Variants in RELN observed in about 807,000 individuals in gnomAD.
The protein encoded by RELN is reelin.
RELN carries 108 observed loss-of-function variants against 427.6 expected under a neutral mutation model. The observed-to-expected ratio is 0.25, with a 90% confidence interval of 0.22 to 0.30. The LOEUF is 0.30. Among genes scored for constraint, RELN ranks in the 10% least tolerant of loss-of-function variants. The probability of loss-of-function intolerance (pLI) is 1.00; values close to 1 mark genes in which losing one functional copy is unlikely to be tolerated. For missense variants in RELN, 3,715 were observed against 4,302.8 expected, an observed-to-expected ratio of 0.86 and a Z score of 3.82; for synonymous variants, 1,524 against 1,513.4, an observed-to-expected ratio of 1.01 and a Z score of -0.16.
At chr7:103,501,364 G>A (rs1416217298) in intron 52 of RELN, among the ~76,000 whole-genome samples, 1 of 152,154 alleles carries the variant, frequency 6.6e-6, no homozygotes, top group Admixed American at 6.5e-5. Flanking sequence ...AGGCGGTCGG[G>A]AGGCAGCATT....
intron 1 of RELN, among the ~76,000 whole-genome samples, chr7:103,979,901 C>T (rs1796956232): frequency 6.6e-6 from 1 of 152,184 alleles, no homozygotes; most frequent in Non-Finnish European, 1.5e-5. Context: ...ATGGCTCACA[C>T]CTGTAATCCC....
chr7:103,822,436 C>T (rs1236455163), intron 3 of RELN, among the ~76,000 whole-genome samples: 3 of 151,970 alleles, frequency 2.0e-5, no homozygotes, highest in African/African-American at 4.8e-5. Context: ...TGTTAAATTA[C>T]CAAATTGGTA....
At chr7:103,686,162 G>A (rs906414831) in intron 10 of RELN, among the ~76,000 whole-genome samples, 3 of 151,978 alleles carry the variant, frequency 2.0e-5, no homozygotes, top group Non-Finnish European at 2.9e-5. Context: ...TTGGGCATTT[G>A]GGCAATGCCA....
intron 2 of RELN, among the ~76,000 whole-genome samples, chr7:103,862,411 CTATCTATCTATCT>C (rs1236840630): frequency 3.4e-4 from 18 of 53,500 alleles, no homozygotes; most frequent in Non-Finnish European, 7.8e-4. Flanking sequence ...TGCTTTTGTT[CTATCTATCTATCT>C]ATCTATCTAT....
At chr7:103,773,318 T>A in intron 4 of RELN, among the ~76,000 whole-genome samples, 1 of 52,160 alleles carries the variant, frequency 1.9e-5, no homozygotes, top group East Asian at 6.7e-4. Flanking sequence ...CCTCGCTCCC[T>A]CCGTCTCTCT....
intron 28 of RELN, among the ~76,000 whole-genome samples, chr7:103,588,130 T>C (rs1362973357): frequency 6.6e-6 from 1 of 152,134 alleles, no homozygotes; most frequent in Non-Finnish European, 1.5e-5. Context: ...AGATATGCAA[T>C]CAACCTAAAT....
chr7:103,515,359 C>T lies in RELN; in HGVS notation c.7945G>A (p.Asp2649Asn), dbSNP rs551447146. ...RWWQPRHDGL[D>N]QNDWAIDNVL... Reference sequence around the variant, plus strand: ...TTGTCAATGGCCCAGTCGTTCTGATCCAGGCCGTCATGTCTTGGCTGCCAC... The same window carrying T: ...TTGTCAATGGCCCAGTCGTTCTGATTCAGGCCGTCATGTCTTGGCTGCCAC... Residue 2649 changes from aspartate to asparagine, a missense_variant, in exon 50 of 65, where the codon GAT becomes AAT. Around this residue, in one of 4 missense-constraint regions of RELN, gnomAD observed 1,310 missense variants for 1,643.0 expected, o/e 0.80. Transcript: ENST00000428762. 11 of 1,614,114 alleles carry T rather than the reference C, an allele frequency of 6.8e-6. No individual in the cohort carries two copies. Among genetic ancestry groups the T allele is most frequent in the Non-Finnish European group, 9.3e-6 (11 of 1,180,002 alleles).
intron 2 of RELN, among the ~76,000 whole-genome samples, chr7:103,907,413 T>TGGA (rs753755870): frequency 0.16 from 3,242 of 20,576 alleles, 189 homozygotes; most frequent in African/African-American, 0.18. Flanking sequence ...ATCAAGGCTC[T>TGGA]GGAAAAAAAA....
chr7:103,926,649 T>TAG (rs1795747159), intron 1 of RELN, among the ~76,000 whole-genome samples: 1 of 70,730 alleles, frequency 1.4e-5, no homozygotes, highest in South Asian at 5.6e-4. Flanking sequence ...TTTTTTTTTT[T>TAG]TTTTTTTTTT....
At chr7:103,590,603 T>A (rs180895510) in intron 27 of RELN, among the ~76,000 whole-genome samples, 74 of 142,112 alleles carry the variant, frequency 5.2e-4, no homozygotes, top group Admixed American at 9.0e-4. Context: ...TAAATAAATA[T>A]AAAATAAAAT....
intron 7 of RELN, among the ~76,000 whole-genome samples, chr7:103,725,323 C>A (rs1035451860): frequency 1.3e-5 from 2 of 152,182 alleles, no homozygotes; most frequent in East Asian, 3.9e-4. Flanking sequence ...GAAGCCAAGG[C>A]AGTAGGACTG....
intron 3 of RELN, among the ~76,000 whole-genome samples, chr7:103,795,415 A>C (rs1342505892): frequency 4.6e-5 from 7 of 152,324 alleles, no homozygotes; most frequent in South Asian, 4.1e-4. Flanking sequence ...GTTACAGGAG[A>C]TCCAGTGTGG....
At chr7:103,686,825 A>C (rs1331194567) in intron 10 of RELN, among the ~76,000 whole-genome samples, 1 of 152,218 alleles carries the variant, frequency 6.6e-6, no homozygotes, top group Non-Finnish European at 1.5e-5. Context: ...AAGAAAACTT[A>C]AAATAGAAAG....
chr7:103,614,648 A>G (rs897130233), intron 20 of RELN, among the ~76,000 whole-genome samples: 2 of 152,162 alleles, frequency 1.3e-5, no homozygotes, highest in African/African-American at 2.4e-5. Flanking sequence ...AGGACTGCCT[A>G]TTCTAGGACT....
At chr7:103,668,594 G>A (rs572514239) in intron 11 of RELN, among the ~76,000 whole-genome samples, 105 of 152,224 alleles carry the variant, frequency 6.9e-4, no homozygotes, top group African/African-American at 2.4e-3. Flanking sequence ...ATCCCAGTTT[G>A]TAATAGATTT....
At chr7:103,671,285 G>A (rs562942894) in intron 11 of RELN, among the ~76,000 whole-genome samples, 10 of 152,192 alleles carry the variant, frequency 6.6e-5, no homozygotes, top group Middle Eastern at 3.4e-3. Context: ...AGCCTTCCCT[G>A]AATGCATTAC....
At chr7:103,647,158 A>G (rs760838906) in intron 16 of RELN, among the ~76,000 whole-genome samples, 3 of 152,080 alleles carry the variant, frequency 2.0e-5, no homozygotes, top group Non-Finnish European at 4.4e-5. Flanking sequence ...CATGATGAGG[A>G]TGCCCACTTT....
At chr7:103,939,042 G>A (rs1796051893) in intron 1 of RELN, among the ~76,000 whole-genome samples, 1 of 151,884 alleles carries the variant, frequency 6.6e-6, no homozygotes, top group African/African-American at 2.4e-5. Flanking sequence ...TGCCTCTCGG[G>A]TTCAAGTGAT....
chr7:103,913,587 A>G (rs1367068353), intron 2 of RELN, among the ~76,000 whole-genome samples: 2 of 152,172 alleles, frequency 1.3e-5, no homozygotes, highest in African/African-American at 2.4e-5. Context: ...TATGCCTTCT[A>G]TAATTTTCCT....
Sources: allele counts gnomAD v4.1 joint callset (sites outside exome capture counted in the v4.1 genomes callset), GRCh38; gene constraint gnomAD v4.1.1; regional missense constraint gnomAD v4.1.1; transcripts MANE v1.5; gene names NCBI Gene and HGNC (gene_info 2026-07-23, HGNC 2026-07-21).